The following SLC2A9 variants were observed in gnomAD, a reference collection of about 807,000 sequenced individuals.
SLC2A9 encodes solute carrier family 2, facilitated glucose transporter member 9.
A neutral mutation model predicts 50.6 loss-of-function variants in SLC2A9; 39 were observed. That is an observed-to-expected ratio of 0.77 (90% CI 0.60 to 1.01). The LOEUF (loss-of-function observed/expected upper bound fraction) is 1.01, where lower values mean the gene tolerates loss of function less well. SLC2A9 is among the 50% of genes least tolerant of loss of function. SLC2A9 has a pLI of 0.00. For missense variants in SLC2A9, 686 were observed against 677.6 expected (o/e 1.01, Z -0.14); for synonymous variants, 324 against 276.9 (o/e 1.17, Z -1.69).
chr4:9,883,988 C>T (rs568999874), intron 10 of SLC2A9, among the ~76,000 whole-genome samples: 4 of 152,186 alleles, frequency 2.6e-5, no homozygotes, highest in Non-Finnish European at 5.9e-5. Context: ...AGTCTTTCTC[C>T]TTTTCACCTA....
rs144294717 is a variant in SLC2A9, at chr4:9,826,287, C to A, written c.*110G>T. 6.5e-4 allele frequency: 690 copies of A among 1,069,592 alleles called. 7 individuals are homozygous for A. The African/African-American group carries it at 0.01, about 16-fold the overall frequency. The allele number at this position is 1,069,592 out of a possible 1,614,324, so 66.3% of individuals were successfully genotyped here. On this transcript the variant is annotated 3_prime_UTR_variant, in exon 12 of 12. Coordinates refer to ENST00000264784, the MANE Select transcript of SLC2A9 (RefSeq NM_020041.3). ...ATAAAAGACTTGCATAGCTTCAATT[C>A]ATTTAAGCTTCCCAATAATGGGTAA...
chr4:9,944,539 T>C (rs16891234), intron 5 of SLC2A9, among the ~76,000 whole-genome samples: 30,173 of 152,086 alleles, frequency 0.2, 3,213 homozygotes, highest in Non-Finnish European at 0.22. Flanking sequence ...GGAGAAAAGG[T>C]GGATTCTTTA....
intron 7 of SLC2A9, among the ~76,000 whole-genome samples, chr4:9,912,424 G>T (rs922940077): frequency 3.9e-5 from 6 of 152,138 alleles, no homozygotes; most frequent in Non-Finnish European, 8.8e-5. Context: ...TGGCAGGTGT[G>T]GGGGTAAGGG....
intron 6 of SLC2A9, among the ~76,000 whole-genome samples, chr4:9,935,368 T>C (rs1746872834): frequency 6.6e-6 from 1 of 152,204 alleles, no homozygotes; most frequent in African/African-American, 2.4e-5. Flanking sequence ...GGGGGAGCAA[T>C]GACACTTACA....
At chr4:9,929,512 C>A (rs562424102) in intron 6 of SLC2A9, among the ~76,000 whole-genome samples, 12 of 152,308 alleles carry the variant, frequency 7.9e-5, no homozygotes, top group Non-Finnish European at 1.8e-4. Flanking sequence ...TGAGCAGCTT[C>A]CTGGCCATGG....
At chr4:9,925,223 T>A (rs1312999918) in intron 6 of SLC2A9, among the ~76,000 whole-genome samples, 1 of 152,216 alleles carries the variant, frequency 6.6e-6, no homozygotes, top group Non-Finnish European at 1.5e-5. Flanking sequence ...GCCTAGGACA[T>A]CCTTTTCCGA....
chr4:9,888,106 G>T (rs1736629218), intron 9 of SLC2A9, among the ~76,000 whole-genome samples: 1 of 147,350 alleles, frequency 6.8e-6, no homozygotes, highest in Non-Finnish European at 1.5e-5. Context: ...TCACATGCTG[G>T]GGCCTGTTTT....
chr4:9,951,238 A>G (rs1750196643), intron 5 of SLC2A9, among the ~76,000 whole-genome samples: 1 of 152,224 alleles, frequency 6.6e-6, no homozygotes, highest in Non-Finnish European at 1.5e-5. Context: ...AGCCAGGCAC[A>G]AAAAGACAAA....
chr4:9,977,013 A>T (rs1008917948), intron 5 of SLC2A9, among the ~76,000 whole-genome samples: 5 of 151,638 alleles, frequency 3.3e-5, no homozygotes, highest in Admixed American at 2.0e-4. Flanking sequence ...ATCACCACTA[A>T]CCTCACTCAA....
chr4:9,912,948 G>A (rs1267538933), intron 7 of SLC2A9, among the ~76,000 whole-genome samples: 1 of 152,242 alleles, frequency 6.6e-6, no homozygotes, highest in Non-Finnish European at 1.5e-5. Context: ...GATGGAAGCA[G>A]AGGTCAGAGA....
At chr4:9,899,023 T>G (rs1283166940) in intron 8 of SLC2A9, among the ~76,000 whole-genome samples, 3 of 152,178 alleles carry the variant, frequency 2.0e-5, no homozygotes. Context: ...TTTCTCTCTT[T>G]CAAATTTACA....
At chr4:9,820,678 C>T (rs1724276184) in intron 3 of SLC2A9, among the ~76,000 whole-genome samples, 1 of 152,052 alleles carries the variant, frequency 6.6e-6, no homozygotes, top group East Asian at 1.9e-4. Context: ...GATATTTAAC[C>T]AAGTATTTCT....
intron 8 of SLC2A9, among the ~76,000 whole-genome samples, chr4:9,900,370 C>T (rs1245598677): frequency 6.6e-6 from 1 of 152,104 alleles, no homozygotes; most frequent in Non-Finnish European, 1.5e-5. Context: ...AGGAGCACAT[C>T]CCAAGAGTCA....
At chr4:9,932,682 G>T (rs1429736073) in intron 6 of SLC2A9, among the ~76,000 whole-genome samples, 1 of 152,234 alleles carries the variant, frequency 6.6e-6, no homozygotes, top group Non-Finnish European at 1.5e-5. Context: ...GTGCTGAGAT[G>T]AAATGTGCTG....
chr4:9,796,301 G>A (rs1720589397), downstream of SLC2A9, among the ~76,000 whole-genome samples: 1 of 152,166 alleles, frequency 6.6e-6, no homozygotes, highest in Non-Finnish European at 1.5e-5. Flanking sequence ...TCCCAAAGCT[G>A]TTTGCCAATT....
intron 5 of SLC2A9, among the ~76,000 whole-genome samples, chr4:9,942,599 T>C (rs928619653): frequency 6.6e-6 from 1 of 152,110 alleles, no homozygotes; most frequent in Non-Finnish European, 1.5e-5. Flanking sequence ...GCTTACCCCT[T>C]AGGGAGAGGA....
intron 7 of SLC2A9, among the ~76,000 whole-genome samples, chr4:9,916,057 C>T (rs1251575440): frequency 6.6e-6 from 1 of 152,130 alleles, no homozygotes; most frequent in Non-Finnish European, 1.5e-5. Context: ...TCCCCTTGTT[C>T]CTCCCAGTCA....
chr4:9,942,655 C>T (rs369397382), intron 5 of SLC2A9, among the ~76,000 whole-genome samples: 24 of 152,294 alleles, frequency 1.6e-4, no homozygotes, highest in African/African-American at 5.3e-4. Context: ...CAGATCCCTA[C>T]GACACGCACT....
In SLC2A9 at chr4:9,921,679, C is replaced by A. The variant is rs150440092; in HGVS notation, c.815-1107G>T. 4.6e-3 allele frequency among the ~76,000 whole-genome samples: 707 copies of A among 152,290 alleles called. 8 individuals are homozygous for A. The highest frequency in any genetic ancestry group is 0.016 in the African/African-American group (684 of 41,548). ...GGTACTAAAAACTGCTTCAGAATAT[C>A]TTTTTTTATGAACTATAATTTAATG... On this transcript the variant is annotated intron_variant, in intron 6 of 11. Transcript: ENST00000264784.
Sources: gnomAD v4.1 joint callset for allele counts (sites outside exome capture counted in the v4.1 genomes callset) on GRCh38, gnomAD v4.1.1 for gene constraint, MANE v1.5 for transcripts, NCBI Gene and HGNC (gene_info 2026-07-23, HGNC 2026-07-21) for gene names.